The following CNTNAP5 variants were observed in gnomAD, a reference collection of about 807,000 sequenced individuals.
CNTNAP5 encodes the protein contactin associated protein family member 5.
In CNTNAP5, 72 loss-of-function variants were observed where a neutral mutation model predicts 150.2. The observed-to-expected ratio is 0.48, with a 90% CI of 0.40 to 0.58. CNTNAP5 has a LOEUF of 0.58. Ranked by LOEUF, CNTNAP5 falls within the 20% of genes least tolerant of loss-of-function variation. CNTNAP5 has a pLI of 0.00. For synonymous variants in CNTNAP5, 672 were observed against 619.8 expected (o/e 1.08, Z -1.25); for missense variants, 1,636 against 1,626.2 (o/e 1.01, Z -0.10).
At chr2:124,357,540 C>A (rs1052159481) in intron 3 of CNTNAP5, among the ~76,000 whole-genome samples, 3 of 151,768 alleles carry the variant, frequency 2.0e-5, no homozygotes, top group African/African-American at 7.3e-5. Context: ...GCCAGTTTTC[C>A]CAGCACCGTT....
Position 124,794,413 on chromosome 2 carries a change from T to C in CNTNAP5, c.2993-3683T>C, listed in dbSNP as rs554221045. 5.3e-5 allele frequency among the ~76,000 whole-genome samples: 8 copies of C among 152,316 alleles called. No homozygotes were observed. The East Asian group carries it at 1.2e-3, about 22-fold the overall frequency. ...AAAGAACATGGGACAGCCCACAGCA[T>C]GTAAAGTCTCACTAAATGCTGACTC... On this transcript the variant is annotated intron_variant, in intron 18 of 23. Coordinates refer to ENST00000682447, the MANE Select transcript of CNTNAP5 (RefSeq NM_001367498.1).
chr2:124,132,020 C>G (rs1573777658), intron 1 of CNTNAP5, among the ~76,000 whole-genome samples: 1 of 152,260 alleles, frequency 6.6e-6, no homozygotes, highest in East Asian at 1.9e-4. Context: ...TAATAATAAT[C>G]TACAGAGACG....
At chr2:124,084,924 G>GGTTTTTTTTTTTT (rs1682645884) in intron 1 of CNTNAP5, among the ~76,000 whole-genome samples, 1 of 89,982 alleles carries the variant, frequency 1.1e-5, no homozygotes, top group Non-Finnish European at 2.0e-5. Flanking sequence ...CAAGTTTCCT[G>GGTTTTTTTTTTTT]TTTTTTTTTT....
At chr2:124,682,237 T>A (rs563780072) in intron 13 of CNTNAP5, among the ~76,000 whole-genome samples, 95 of 152,274 alleles carry the variant, frequency 6.2e-4, no homozygotes, top group Middle Eastern at 3.4e-3. Flanking sequence ...AAATTTGCCA[T>A]TAAATTCCAC....
chr2:124,757,296 A>G (rs1295939877), intron 14 of CNTNAP5, among the ~76,000 whole-genome samples: 2 of 152,140 alleles, frequency 1.3e-5, no homozygotes, highest in African/African-American at 4.8e-5. Context: ...GTAAACTAAA[A>G]CCTAGTCAAT....
Position 124,770,553 on chromosome 2 carries a change from G to A in CNTNAP5, c.2534-2246G>A, listed in dbSNP as rs545054057. Among the ~76,000 whole-genome samples the A allele has an allele frequency of 3.3e-5, 5 of 152,124 alleles. No individual in the cohort carries two copies. The South Asian group carries it at 1.0e-3, about 32-fold the overall frequency. On this transcript the variant is annotated intron_variant, in intron 16 of 23. Coordinates refer to ENST00000682447, the MANE Select transcript of CNTNAP5 (RefSeq NM_001367498.1). Reference sequence around the variant, plus strand: ...GTGTTTTATAGAAAAATGTAAATGTGGGGTCCAGTCATCTCTCAGTTAAGT... The same window carrying A: ...GTGTTTTATAGAAAAATGTAAATGTAGGGTCCAGTCATCTCTCAGTTAAGT...
chr2:124,640,180 G>T (rs565964869), intron 12 of CNTNAP5, among the ~76,000 whole-genome samples: 145 of 152,086 alleles, frequency 9.5e-4, no homozygotes, highest in African/African-American at 3.3e-3. Context: ...CATAGAATCC[G>T]TTCCACACCA....
intron 1 of CNTNAP5, among the ~76,000 whole-genome samples, chr2:124,158,021 T>C (rs1307298910): frequency 6.6e-6 from 1 of 152,226 alleles, no homozygotes; most frequent in Non-Finnish European, 1.5e-5. Flanking sequence ...GAAATGAAGA[T>C]GACATGCTGC....
intron 10 of CNTNAP5, among the ~76,000 whole-genome samples, chr2:124,538,211 G>T (rs917820020): frequency 1.3e-5 from 2 of 152,168 alleles, no homozygotes; most frequent in African/African-American, 4.8e-5. Context: ...TTTAGGCCAG[G>T]CGCAGTGGCT....
At chr2:124,029,967 G>A (rs187233568) in intron 1 of CNTNAP5, among the ~76,000 whole-genome samples, 236 of 152,202 alleles carry the variant, frequency 1.6e-3, no homozygotes, top group African/African-American at 5.5e-3. Flanking sequence ...TTGAAAGGTT[G>A]CAGTGTACAT....
chr2:124,174,479 G>A (rs1685014799), intron 1 of CNTNAP5, among the ~76,000 whole-genome samples: 1 of 152,172 alleles, frequency 6.6e-6, no homozygotes, highest in South Asian at 2.1e-4. Context: ...CAACCCTGAT[G>A]GATGAATTTG....
chr2:124,300,317 A>G (rs557807998), intron 3 of CNTNAP5, among the ~76,000 whole-genome samples: 1 of 152,324 alleles, frequency 6.6e-6, no homozygotes, highest in East Asian at 1.9e-4. Flanking sequence ...CCGTAATCAC[A>G]AAGACACATA....
chr2:124,405,503 C>T (rs900130554), intron 3 of CNTNAP5, among the ~76,000 whole-genome samples: 1 of 152,198 alleles, frequency 6.6e-6, no homozygotes, highest in Non-Finnish European at 1.5e-5. Context: ...ACTAGACTCT[C>T]ATCAGAATCT....
intron 13 of CNTNAP5, among the ~76,000 whole-genome samples, chr2:124,683,738 A>G (rs976417150): frequency 5.4e-4 from 82 of 152,140 alleles, no homozygotes; most frequent in Non-Finnish European, 8.4e-4. Context: ...TCTCTCACTG[A>G]ATTCTGGACA....
At chr2:124,476,082 T>C (rs1693633012) in intron 7 of CNTNAP5, among the ~76,000 whole-genome samples, 1 of 152,140 alleles carries the variant, frequency 6.6e-6, no homozygotes, top group African/African-American at 2.4e-5. Flanking sequence ...GCATAACTTA[T>C]TGTGGTTTAC....
chr2:124,856,075 G>GGT (rs56676705), intron 19 of CNTNAP5, among the ~76,000 whole-genome samples: 18,235 of 144,184 alleles, frequency 0.13, 1,229 homozygotes, highest in Admixed American at 0.18. Context: ...AATAGTCCAT[G>GGT]GTGTGTGTGT....
chr2:124,219,027 A>G (rs1686236420), intron 1 of CNTNAP5, among the ~76,000 whole-genome samples: 2 of 152,154 alleles, frequency 1.3e-5, no homozygotes, highest in African/African-American at 4.8e-5. Flanking sequence ...ATTTGAAATG[A>G]TTAGGTTACT....
At chr2:124,286,675 C>A (rs1688159741) in intron 3 of CNTNAP5, among the ~76,000 whole-genome samples, 1 of 152,094 alleles carries the variant, frequency 6.6e-6, no homozygotes, top group African/African-American at 2.4e-5. Flanking sequence ...GCCTACAGAC[C>A]AAGACATTGC....
intron 3 of CNTNAP5, among the ~76,000 whole-genome samples, chr2:124,390,938 T>TA (rs1427524490): frequency 3.3e-5 from 5 of 152,336 alleles, no homozygotes; most frequent in African/African-American, 1.2e-4. Context: ...GTAAGGGAGA[T>TA]AAAAAGTATT....
Sources: allele counts gnomAD v4.1 joint callset (sites outside exome capture counted in the v4.1 genomes callset), GRCh38; gene constraint gnomAD v4.1.1; transcripts MANE v1.5; gene names NCBI Gene and HGNC (gene_info 2026-07-23, HGNC 2026-07-21).